CA12: variants seen among roughly 807,000 people sequenced by gnomAD.
CA12 encodes the protein carbonate dehydratase XII.
CA12 carries 36 observed loss-of-function variants against 46.8 expected under a neutral mutation model. That is an observed-to-expected ratio of 0.77 (90% CI 0.59 to 1.02). CA12 has a LOEUF of 1.02. Ranked by LOEUF, CA12 falls within the 50% of genes least tolerant of loss-of-function variation. CA12 has a pLI of 0.00. For synonymous variants in CA12, 202 were observed against 187.0 expected (o/e 1.08, Z -0.65); for missense variants, 436 against 451.4 (o/e 0.97, Z 0.31).
intron 2 of CA12, among the ~76,000 whole-genome samples, chr15:63,367,108 A>C (rs1209839224): frequency 6.6e-6 from 1 of 152,006 alleles, no homozygotes; most frequent in Admixed American, 6.6e-5. Context: ...TTTAGTAGAG[A>C]TAGGGTTTCA....
At chr15:63,356,095 C>G (rs1401118004) in intron 2 of CA12, among the ~76,000 whole-genome samples, 1 of 152,124 alleles carries the variant, frequency 6.6e-6, no homozygotes, top group Non-Finnish European at 1.5e-5. Flanking sequence ...GGCTTAATCT[C>G]TTTTTAAAAA....
intron 8 of CA12, among the ~76,000 whole-genome samples, chr15:63,334,003 G>A (rs2038967217): frequency 6.6e-6 from 1 of 152,156 alleles, no homozygotes; most frequent in Non-Finnish European, 1.5e-5. Flanking sequence ...TGGGCCCAGT[G>A]TTGGTGCCAC....
At chr15:63,347,081 TGCCAGGTTGAATACAATAGA>T (rs771242785) in intron 2 of CA12, among the ~76,000 whole-genome samples, 12 of 152,246 alleles carry the variant, frequency 7.9e-5, no homozygotes, top group Non-Finnish European at 1.3e-4. Context: ...GTCTTGGGGC[TGCCAGGTTGAATACAATAGA>T]GCCCCTGCTC....
chr15:63,332,053 G>A (rs185434063), intron 8 of CA12, among the ~76,000 whole-genome samples: 13 of 152,280 alleles, frequency 8.5e-5, no homozygotes, highest in East Asian at 1.9e-4. Flanking sequence ...ATCCTTAGCC[G>A]TCTCCAGCCT....
intron 8 of CA12, 118 bp downstream of exon 8, chr15:63,338,701 C>T (rs2039034885): frequency 1.4e-6 from 2 of 1,381,330 alleles, no homozygotes; most frequent in Middle Eastern, 2.5e-4. Context: ...CCGTGGCAGC[C>T]AGGGAGCTCT....
chr15:63,343,111 C>T (rs561147937), intron 4 of CA12, among the ~76,000 whole-genome samples: 3 of 152,126 alleles, frequency 2.0e-5, no homozygotes, highest in Admixed American at 2.0e-4. Flanking sequence ...AGAAACAGAG[C>T]TGAATTCTAT....
In CA12 at chr15:63,372,261, A is replaced by G. The variant is rs183112726; in HGVS notation, c.106+3397T>C. ...GACTGATTTCCGGCGGGGAAGGTCC[A>G]TGTCACATCATCCCCAGCCTCTCTC... On this transcript the variant is annotated intron_variant, in intron 2 of 10. Transcript: ENST00000178638. The surrounding 1 kb of genome is among the most constrained non-coding windows in gnomAD (Gnocchi z 4.5). Among the ~76,000 whole-genome samples, 41 of 152,286 alleles carry G rather than the reference A, an allele frequency of 2.7e-4. No individual in the cohort carries two copies. The East Asian group carries it at 7.9e-3, about 29-fold the overall frequency.
chr15:63,348,431 G>C lies in CA12; in HGVS notation c.107-1722C>G, dbSNP rs184022417. 6.6e-6 allele frequency among the ~76,000 whole-genome samples: 1 copy of C among 152,290 alleles called. No homozygotes were observed. The highest frequency in any genetic ancestry group is 1.9e-4 in the East Asian group (1 of 5,180). On this transcript the variant is annotated intron_variant, in intron 2 of 10. Transcript: ENST00000178638. This position sits in a 1 kb window ranked among gnomAD's most constrained non-coding sequence, Gnocchi z 4.6. ...GCTGGGGGCCAAACCGAATGCTTTA[G>C]GGGCAGCGGGGAGCAGAATGAAGCA...
At position 63,380,214 on chromosome 15, in the gene CA12, A is replaced by G. The variant is rs183813172; in HGVS notation, c.85+1422T>C. Among the ~76,000 whole-genome samples, 435 of 152,270 alleles carry G rather than the reference A, an allele frequency of 2.9e-3. 1 individual carries two copies. Among genetic ancestry groups the G allele is most frequent in the African/African-American group, 9.9e-3 (410 of 41,562 alleles). ...GGCGAAAGTGGAGTTTTGACTACAA[A>G]CTTCCCCAGTCCCAACTTGGAGAAT... On this transcript the variant is annotated intron_variant, in intron 1 of 10. Transcript: ENST00000178638.
In CA12 at chr15:63,327,984, G is replaced by C. The variant is rs2038889285; in HGVS notation, c.907+114C>G. 1 of 980,578 alleles carries C rather than the reference G, an allele frequency of 1.0e-6. No homozygotes were observed. The highest frequency in any genetic ancestry group is 2.4e-5 in the East Asian group (1 of 41,670). 60.7% of individuals were successfully genotyped at this position (980,578 alleles called of 1,614,324 possible). A position where few individuals can be genotyped will look rare whatever the true frequency, so the allele number is the denominator to read the frequency against. ...AGGGTAAGACCCATAGCAAGGAGAG[G>C]GCCAGGAGCCAGAGCAATAGTACAG... On this transcript the variant is annotated intron_variant, in intron 9 of 10. Coordinates refer to ENST00000178638, the MANE Select transcript of CA12 (RefSeq NM_001218.5). The surrounding 1 kb of genome is among the most constrained non-coding windows in gnomAD (Gnocchi z 4.5).
At position 63,355,181 on chromosome 15, in the gene CA12, C is replaced by A. The variant is rs1415605143; in HGVS notation, c.107-8472G>T. Among the ~76,000 whole-genome samples the A allele has an allele frequency of 6.6e-6, 1 of 152,154 alleles. No homozygotes were observed. Among genetic ancestry groups the A allele is most frequent in the East Asian group, 1.9e-4 (1 of 5,192 alleles). On this transcript the variant is annotated intron_variant, in intron 2 of 10. Transcript: ENST00000178638. The surrounding 1 kb of genome is among the most constrained non-coding windows in gnomAD (Gnocchi z 4.1). ...TCTGCTCCCACCCCTCCTTTTCGTT[C>A]CAGCAGCGCTGAGCTGCTTGCATCC...
At position 63,327,969 on chromosome 15, in the gene CA12, C is replaced by G; in HGVS notation, c.907+129G>C. 2.4e-6 allele frequency: 2 copies of G among 832,126 alleles called. No homozygotes were observed. The highest frequency in any genetic ancestry group is 3.8e-5 in the Admixed American group (2 of 53,194). 51.5% of individuals were successfully genotyped at this position (832,126 alleles called of 1,614,324 possible). On this transcript the variant is annotated intron_variant, in intron 9 of 10. Transcript: ENST00000178638. This position sits in a 1 kb window ranked among gnomAD's most constrained non-coding sequence, Gnocchi z 4.5. ...TCACAGAGCGACTTGAGGGTAAGACCCATAGCAAGGAGAGGGCCAGGAGCC... is the reference window on the plus strand; with the variant it reads ...TCACAGAGCGACTTGAGGGTAAGACGCATAGCAAGGAGAGGGCCAGGAGCC...
Position 63,322,068 on chromosome 15 carries a change from A to G in CA12, c.*4217T>C, listed in dbSNP as rs1234291897. On this transcript the variant is annotated 3_prime_UTR_variant, in exon 11 of 11. Coordinates refer to ENST00000178638, the MANE Select transcript of CA12 (RefSeq NM_001218.5). This position sits in a 1 kb window ranked among gnomAD's most constrained non-coding sequence, Gnocchi z 4.1. ...ATGGATCTTGAGCGCTTGGAATGTG[A>G]CTTAACTGAGAAACGCTACTTTATT... 6.6e-6 allele frequency: 1 copy of G among 152,202 alleles called. No individual in the cohort carries two copies. The highest frequency in any genetic ancestry group is 2.4e-5 in the African/African-American group (1 of 41,452). 9.4% of individuals were successfully genotyped at this position (152,202 alleles called of 1,614,324 possible).
chr15:63,376,556 TC>T (rs371481249), intron 1 of CA12, among the ~76,000 whole-genome samples: 1 of 40,644 alleles, frequency 2.5e-5, no homozygotes, highest in Non-Finnish European at 6.1e-5. Context: ...TCTCTTTCTT[TC>T]CTTTCTTTCT....
rs1466925439 is a variant in CA12, at chr15:63,376,562, C to CTTTCT, written c.86-889_86-885dup. Among the ~76,000 whole-genome samples the CTTTCT allele has an allele frequency of 1.1e-3, 118 of 104,264 alleles. 1 individual carries two copies. Among genetic ancestry groups the CTTTCT allele is most frequent in the Middle Eastern group, 4.4e-3 (1 of 226 alleles). 68.4% of individuals were successfully genotyped at this position (104,264 alleles called of 152,430 possible). The stretch of plus-strand genomic sequence containing the variant: ...CCCTCCCACTCTCTTTCTTTCCTTT[C>CTTTCT]TTTCTTTCTTTCTTTCTTTCTTTCT... On this transcript the variant is annotated intron_variant, in intron 1 of 10. Coordinates refer to ENST00000178638, the MANE Select transcript of CA12 (RefSeq NM_001218.5).
Position 63,346,536 on chromosome 15 carries a change from G to C in CA12, c.280C>G (p.His94Asp), listed in dbSNP as rs143539563. The C allele has an allele frequency of 6.8e-6, 11 of 1,613,960 alleles. No individual in the cohort carries two copies. Among genetic ancestry groups the C allele is most frequent in the Non-Finnish European group, 9.3e-6 (11 of 1,179,954 alleles). ...NKQFLLTNNGHSVKLNLPSDM... is the reference protein window; with the variant it reads ...NKQFLLTNNGDSVKLNLPSDM... ...TCCAAGGCCTCTCCCTCACCTGAAT[G>C]GCCATTGTTGGTCAGGAGAAACTGC... is the stretch of plus-strand genomic sequence containing the variant. Residue 94 changes from histidine to aspartate, a missense_variant, in exon 3 of 11, where the codon CAT (histidine) becomes GAT (aspartate). Transcript: ENST00000178638.
intron 8 of CA12, among the ~76,000 whole-genome samples, chr15:63,334,567 C>A (rs979747396): frequency 5.3e-5 from 8 of 151,992 alleles, no homozygotes; most frequent in Non-Finnish European, 4.4e-5. Flanking sequence ...GGAAGAGGCA[C>A]TTTTTAAGAA....
Position 63,331,018 on chromosome 15 carries a change from T to C in CA12, c.875-2888A>G, listed in dbSNP as rs1348319819. On this transcript the variant is annotated intron_variant, in intron 8 of 10. Coordinates refer to ENST00000178638, the MANE Select transcript of CA12 (RefSeq NM_001218.5). The surrounding 1 kb of genome is among the most constrained non-coding windows in gnomAD (Gnocchi z 5.3). The stretch of plus-strand genomic sequence containing the variant: ...ATCATAAGCTGTTAAGGAAGAGGAA[T>C]GCCGGCGAGGGTGTCACCCGATAGT... Among the ~76,000 whole-genome samples the C allele has an allele frequency of 6.6e-6, 1 of 152,210 alleles. No individual in the cohort carries two copies. The highest frequency in any genetic ancestry group is 2.4e-5 in the African/African-American group (1 of 41,456).
chr15:63,342,334 G>A (rs922347797), intron 4 of CA12, among the ~76,000 whole-genome samples: 8 of 152,088 alleles, frequency 5.3e-5, no homozygotes, highest in South Asian at 2.1e-4. Context: ...CAATCAATAC[G>A]TACAAGATAC....
Sources: allele counts gnomAD v4.1 joint callset (sites outside exome capture counted in the v4.1 genomes callset), GRCh38; gene constraint gnomAD v4.1.1; non-coding constraint Gnocchi (gnomAD v3.1); transcripts MANE v1.5; gene names NCBI Gene and HGNC (gene_info 2026-07-23, HGNC 2026-07-21).